The following CTNND2 variants were observed in gnomAD, a reference collection of about 807,000 sequenced individuals.
The protein encoded by CTNND2 is catenin delta 2.
Under a neutral mutation model 144.4 loss-of-function variants are expected in CTNND2, and 22 were observed. The ratio of observed to expected loss-of-function variants is 0.15; its 90% CI spans 0.11 to 0.22. The LOEUF (loss-of-function observed/expected upper bound fraction) is 0.22, where lower values mean the gene tolerates loss of function less well. Among genes scored for constraint, CTNND2 ranks in the 10% least tolerant of loss-of-function variants. The pLI is 1.00. For synonymous variants in CTNND2, 751 were observed against 695.6 expected (o/e 1.08, Z -1.25); for missense variants, 1,353 against 1,618.8 (o/e 0.84, Z 2.82).
chr5:11,047,321 C>G (rs1352364739), intron 16 of CTNND2, among the ~76,000 whole-genome samples: 4 of 152,200 alleles, frequency 2.6e-5, no homozygotes, highest in Non-Finnish European at 5.9e-5. Flanking sequence ...GACCCAATCA[C>G]ATCACATACA....
At chr5:11,855,711 G>A (rs1795220466) in intron 1 of CTNND2, among the ~76,000 whole-genome samples, 1 of 152,164 alleles carries the variant, frequency 6.6e-6, no homozygotes, top group Non-Finnish European at 1.5e-5. Flanking sequence ...CCCTAAATGA[G>A]GTTCTGATGC....
At chr5:11,772,769 C>T (rs145824130) in intron 1 of CTNND2, among the ~76,000 whole-genome samples, 58 of 152,196 alleles carry the variant, frequency 3.8e-4, no homozygotes, top group African/African-American at 1.3e-3. Flanking sequence ...TGGGGGAGTC[C>T]GGAAATCTGG....
chr5:11,203,567 G>C (rs968300211), intron 10 of CTNND2, among the ~76,000 whole-genome samples: 1 of 152,048 alleles, frequency 6.6e-6, no homozygotes, highest in Non-Finnish European at 1.5e-5. Flanking sequence ...AAGACATGAG[G>C]TTTCGCCATG....
chr5:11,516,151 A>T (rs1324314894), intron 3 of CTNND2, among the ~76,000 whole-genome samples: 1 of 152,114 alleles, frequency 6.6e-6, no homozygotes, highest in East Asian at 1.9e-4. Flanking sequence ...CATTATTATC[A>T]AATATGAAAT....
At chr5:11,395,321 T>C (rs980262278) in intron 6 of CTNND2, among the ~76,000 whole-genome samples, 5 of 152,206 alleles carry the variant, frequency 3.3e-5, no homozygotes, top group African/African-American at 1.2e-4. Context: ...TATCTACCAC[T>C]GAGTTAAATA....
intron 2 of CTNND2, among the ~76,000 whole-genome samples, chr5:11,641,362 T>C (rs1470877213): frequency 6.6e-6 from 1 of 151,950 alleles, no homozygotes; most frequent in Non-Finnish European, 1.5e-5. Context: ...AATCTCAGTT[T>C]TACTAGGAGT....
At chr5:10,998,938 A>G (rs554001728) in intron 18 of CTNND2, among the ~76,000 whole-genome samples, 18 of 152,280 alleles carry the variant, frequency 1.2e-4, no homozygotes, top group Admixed American at 2.0e-4. Flanking sequence ...CCTGTAACCA[A>G]TTTCCCACAG....
At chr5:11,530,993 G>A (rs991210945) in intron 3 of CTNND2, among the ~76,000 whole-genome samples, 9 of 152,224 alleles carry the variant, frequency 5.9e-5, no homozygotes, top group Middle Eastern at 3.4e-3. Context: ...TACAACACAC[G>A]GCTTTGTCTC....
intron 1 of CTNND2, among the ~76,000 whole-genome samples, chr5:11,737,104 T>C (rs1318916417): frequency 6.6e-6 from 1 of 152,196 alleles, no homozygotes; most frequent in Non-Finnish European, 1.5e-5. Context: ...GTAGAATTGG[T>C]AAAATAAGGA....
At position 11,267,475 on chromosome 5, in the gene CTNND2, A is replaced by C. The variant is rs146969041; in HGVS notation, c.1629-30652T>G. Reference sequence around the variant, plus strand: ...CACCACTAGATGTCACCAGTCATTAACTGGGACACAGATAAATGAGCCCTT... The same window carrying C: ...CACCACTAGATGTCACCAGTCATTACCTGGGACACAGATAAATGAGCCCTT... On this transcript the variant is annotated intron_variant, in intron 9 of 21. Coordinates refer to ENST00000304623, the MANE Select transcript of CTNND2 (RefSeq NM_001332.4). Among the ~76,000 whole-genome samples, 22 of 152,328 alleles carry C rather than the reference A, an allele frequency of 1.4e-4. 1 individual carries two copies. The highest frequency in any genetic ancestry group is 5.9e-4 in the Admixed American group (9 of 15,292).
chr5:11,528,059 G>A (rs1295769339), intron 3 of CTNND2, among the ~76,000 whole-genome samples: 1 of 152,198 alleles, frequency 6.6e-6, no homozygotes. Flanking sequence ...CTCATATAAA[G>A]AGAGCCACAT....
chr5:11,690,112 G>A (rs566115602), intron 2 of CTNND2, among the ~76,000 whole-genome samples: 4 of 152,210 alleles, frequency 2.6e-5, no homozygotes, highest in South Asian at 4.1e-4. Flanking sequence ...ATTATAAAAC[G>A]ACTTAAATGA....
At chr5:11,291,326 TC>T (rs1335499405) in intron 9 of CTNND2, among the ~76,000 whole-genome samples, 1 of 152,194 alleles carries the variant, frequency 6.6e-6, no homozygotes, top group Non-Finnish European at 1.5e-5. Context: ...AATCTGAATT[TC>T]CTTCTCACTG....
chr5:11,240,268 A>C (rs1453360717), intron 9 of CTNND2, among the ~76,000 whole-genome samples: 15 of 134,824 alleles, frequency 1.1e-4, no homozygotes, highest in Non-Finnish European at 1.9e-4. Flanking sequence ...CAACACACAC[A>C]CACCCAACAC....
intron 9 of CTNND2, among the ~76,000 whole-genome samples, chr5:11,240,108 A>G (rs943107961): frequency 6.8e-6 from 1 of 146,048 alleles, no homozygotes; most frequent in Non-Finnish European, 1.5e-5. Context: ...TAGCCACACA[A>G]CACACACACA....
intron 9 of CTNND2, among the ~76,000 whole-genome samples, chr5:11,247,387 C>G (rs1743112706): frequency 6.6e-6 from 1 of 152,162 alleles, no homozygotes; most frequent in South Asian, 2.1e-4. Context: ...TCCACGCCTC[C>G]CACCCATATC....
intron 9 of CTNND2, among the ~76,000 whole-genome samples, chr5:11,275,633 T>G (rs935135942): frequency 1.3e-5 from 2 of 152,236 alleles, no homozygotes; most frequent in Non-Finnish European, 2.9e-5. Context: ...TAAACATCAC[T>G]TCTCTCTCTT....
chr5:11,690,643 G>A (rs1482497919), intron 2 of CTNND2, among the ~76,000 whole-genome samples: 2 of 150,940 alleles, frequency 1.3e-5, no homozygotes, highest in Non-Finnish European at 3.0e-5. Context: ...GGCTGAGGCA[G>A]GAGAATGGCG....
At chr5:10,978,146 C>T (rs967374051) in intron 21 of CTNND2, among the ~76,000 whole-genome samples, 1 of 152,132 alleles carries the variant, frequency 6.6e-6, no homozygotes, top group Non-Finnish European at 1.5e-5. Flanking sequence ...CTGGAGGATC[C>T]CTCCTGGTGA....
Sources: gnomAD v4.1 joint callset for allele counts (sites outside exome capture counted in the v4.1 genomes callset) on GRCh38, gnomAD v4.1.1 for gene constraint, MANE v1.5 for transcripts, NCBI Gene and HGNC (gene_info 2026-07-23, HGNC 2026-07-21) for gene names.